The following CNTN4 variants were observed in gnomAD, a reference collection of about 807,000 sequenced individuals.
The protein encoded by CNTN4 is contactin 4, also known as contactin-4.
CNTN4 carries 77 observed loss-of-function variants against 122.5 expected under a neutral mutation model. The observed-to-expected ratio is 0.63, with a 90% CI of 0.52 to 0.76. CNTN4 has a LOEUF of 0.76. Among genes scored for constraint, CNTN4 ranks in the 30% least tolerant of loss-of-function variants. CNTN4 has a pLI of 0.00. For missense variants in CNTN4, 1,256 were observed against 1,259.1 expected (o/e 1.00, Z 0.04); for synonymous variants, 512 against 447.0 (o/e 1.15, Z -1.83).
At chr3:2,764,555 C>T (rs1409687245) in intron 6 of CNTN4, among the ~76,000 whole-genome samples, 1 of 152,134 alleles carries the variant, frequency 6.6e-6, no homozygotes, top group African/African-American at 2.4e-5. Flanking sequence ...AGAGTTTGTC[C>T]TGCATTTTAG....
intron 7 of CNTN4, among the ~76,000 whole-genome samples, chr3:2,828,580 G>A (rs540313053): frequency 6.6e-6 from 1 of 152,220 alleles, no homozygotes; most frequent in African/African-American, 2.4e-5. Flanking sequence ...TATGAAACAT[G>A]CATTCTGATT....
chr3:2,925,996 T>A (rs1321344508), intron 13 of CNTN4, among the ~76,000 whole-genome samples: 1 of 152,180 alleles, frequency 6.6e-6, no homozygotes, highest in African/African-American at 2.4e-5. Flanking sequence ...CAGAGATAGA[T>A]CACATGATCC....
At chr3:2,579,402 A>G (rs574921584) in intron 4 of CNTN4, among the ~76,000 whole-genome samples, 1 of 152,308 alleles carries the variant, frequency 6.6e-6, no homozygotes, top group Admixed American at 6.5e-5. Flanking sequence ...GGCAGTTGGT[A>G]TCATGCCAAA....
intron 4 of CNTN4, among the ~76,000 whole-genome samples, chr3:2,615,888 C>G (rs1252907727): frequency 6.6e-6 from 1 of 152,142 alleles, no homozygotes; most frequent in African/African-American, 2.4e-5. Context: ...CCATCAAAAA[C>G]AGGATTCTAA....
At chr3:2,593,804 A>T (rs1404524490) in intron 4 of CNTN4, among the ~76,000 whole-genome samples, 2 of 152,180 alleles carry the variant, frequency 1.3e-5, no homozygotes, top group Non-Finnish European at 2.9e-5. Flanking sequence ...TGTCATAAAG[A>T]AGAGAAGTGG....
chr3:2,751,276 C>G (rs1350497541), intron 6 of CNTN4, among the ~76,000 whole-genome samples: 1 of 152,104 alleles, frequency 6.6e-6, no homozygotes, highest in Non-Finnish European at 1.5e-5. Flanking sequence ...CCAGTGCACT[C>G]CAGCCTGGGC....
intron 13 of CNTN4, among the ~76,000 whole-genome samples, chr3:2,967,582 G>A (rs1021684121): frequency 6.6e-6 from 1 of 152,122 alleles, no homozygotes; most frequent in Non-Finnish European, 1.5e-5. Context: ...CCAATGCCCA[G>A]GAGTGAACAA....
rs558981921 is a variant in CNTN4 at position 2,692,679 on chromosome 3, G to A, written c.56-43536G>A. On this transcript the variant is annotated intron_variant, in intron 4 of 24. Coordinates refer to ENST00000418658, the MANE Select transcript of CNTN4 (RefSeq NM_175607.3). ...CACTGGCGCATGCAAACACTATTTCGTTTAATCTTGTGGTGACTCTGTCAA... is the reference window on the plus strand; with the variant it reads ...CACTGGCGCATGCAAACACTATTTCATTTAATCTTGTGGTGACTCTGTCAA... Among the ~76,000 whole-genome samples the A allele has an allele frequency of 2.0e-4, 31 of 151,980 alleles. No individual in the cohort carries two copies. In the South Asian group the frequency reaches 5.2e-3, roughly 25 times the overall value.
At chr3:2,183,516 T>A (rs1317721469) in intron 2 of CNTN4, among the ~76,000 whole-genome samples, 1 of 152,134 alleles carries the variant, frequency 6.6e-6, no homozygotes, top group South Asian at 2.1e-4. Context: ...CAGGACTGAT[T>A]TGGGAATTTA....
chr3:2,625,945 T>A (rs1471111161), intron 4 of CNTN4, among the ~76,000 whole-genome samples: 2 of 152,332 alleles, frequency 1.3e-5, no homozygotes, highest in African/African-American at 4.8e-5. Context: ...TTCTTTCACA[T>A]TCTGGACAAC....
chr3:3,014,083 CA>C lies in CNTN4; in HGVS notation c.1487-12018del, dbSNP rs1440561977. ...ACACACACACACACACACACACACA[CA>C]CACCCCTAGGGGTTTTGTTTGTTTT... On this transcript the variant is annotated intron_variant, in intron 14 of 24. Transcript: ENST00000418658. 4.9e-4 allele frequency among the ~76,000 whole-genome samples: 75 copies of C among 151,790 alleles called. No individual in the cohort carries two copies. The East Asian group carries it at 5.4e-3, about 11-fold the overall frequency.
intron 3 of CNTN4, among the ~76,000 whole-genome samples, chr3:2,481,099 T>C (rs187929408): frequency 1.6e-3 from 148 of 90,610 alleles, no homozygotes; most frequent in East Asian, 3.5e-3. Context: ...CTTTCTTTCT[T>C]TCTTTCTCTC....
At chr3:2,649,832 A>C (rs2150182479) in intron 4 of CNTN4, among the ~76,000 whole-genome samples, 1 of 152,046 alleles carries the variant, frequency 6.6e-6, no homozygotes, top group Non-Finnish European at 1.5e-5. Context: ...CCCAGATGCC[A>C]TTAAGAAAAT....
rs544710347 is a variant in CNTN4 at position 2,592,527 on chromosome 3, A to C, written c.55+20969A>C. Among the ~76,000 whole-genome samples the C allele has an allele frequency of 2.8e-4, 42 of 152,196 alleles. 1 individual carries two copies. In the South Asian group the frequency reaches 8.3e-3, roughly 30 times the overall value. Reference sequence around the variant, plus strand: ...ATGGGTCTTTCCCATTGCTGTTCTCATGATAGTGAATGGGTCTCATGAGAT... The same window carrying C: ...ATGGGTCTTTCCCATTGCTGTTCTCCTGATAGTGAATGGGTCTCATGAGAT... On this transcript the variant is annotated intron_variant, in intron 4 of 24. Transcript: ENST00000418658.
intron 13 of CNTN4, among the ~76,000 whole-genome samples, chr3:2,953,379 C>T (rs771324682): frequency 3.3e-5 from 5 of 152,066 alleles, no homozygotes; most frequent in Non-Finnish European, 7.4e-5. Context: ...GTAGATCGCT[C>T]CTCCCTCTGA....
intron 2 of CNTN4, among the ~76,000 whole-genome samples, chr3:2,245,373 A>G (rs571322554): frequency 6.6e-6 from 1 of 152,164 alleles, no homozygotes; most frequent in Admixed American, 6.6e-5. Flanking sequence ...CCAGTTATTC[A>G]TTCTGGCAAT....
intron 3 of CNTN4, among the ~76,000 whole-genome samples, chr3:2,351,749 C>G (rs2044632500): frequency 6.7e-6 from 1 of 149,618 alleles, no homozygotes; most frequent in Admixed American, 6.7e-5. Context: ...GAGGGGACTA[C>G]TGTTTATGAA....
At chr3:3,044,883 C>G (rs1700482914) in intron 23 of CNTN4, among the ~76,000 whole-genome samples, 1 of 152,240 alleles carries the variant, frequency 6.6e-6, no homozygotes, top group Non-Finnish European at 1.5e-5. Context: ...TGACAGACAG[C>G]ACCTGGAAGA....
chr3:2,751,162 G>A (rs1243292406), intron 6 of CNTN4, among the ~76,000 whole-genome samples: 1 of 150,580 alleles, frequency 6.6e-6, no homozygotes, highest in Non-Finnish European at 1.5e-5. Context: ...AAAAAAATTA[G>A]CCAGGCATGG....
Sources: allele counts gnomAD v4.1 joint callset (sites outside exome capture counted in the v4.1 genomes callset), GRCh38; gene constraint gnomAD v4.1.1; transcripts MANE v1.5; gene names NCBI Gene and HGNC (gene_info 2026-07-23, HGNC 2026-07-21).